VPS13B: variants seen among roughly 807,000 people sequenced by gnomAD.
VPS13B encodes intermembrane lipid transfer protein VPS13B.
Under a neutral mutation model 426.4 loss-of-function variants are expected in VPS13B, and 285 were observed. That is an observed-to-expected ratio of 0.67 (90% CI 0.61 to 0.74). The LOEUF is 0.74. Ranked by LOEUF, VPS13B falls within the 30% of genes least tolerant of loss-of-function variation. The pLI is 0.00. For missense variants in VPS13B, 4,537 were observed against 4,782.6 expected (o/e 0.95, Z 1.51); for synonymous variants, 1,676 against 1,676.4 (o/e 1.00, Z 0.01).
At chr8:99,187,106 C>T (rs999376837) in intron 16 of VPS13B, among the ~76,000 whole-genome samples, 3 of 152,114 alleles carry the variant, frequency 2.0e-5, no homozygotes, top group Middle Eastern at 3.2e-3. Context: ...TCCTAATTGC[C>T]ACAGAGTGCC....
At chr8:99,141,317 G>A (rs1435167824) in intron 12 of VPS13B, among the ~76,000 whole-genome samples, 2 of 152,234 alleles carry the variant, frequency 1.3e-5, no homozygotes, top group East Asian at 1.9e-4. Flanking sequence ...ATTATGGGGG[G>A]CATTGGCCTG....
chr8:99,736,798 C>G (rs956261373), intron 39 of VPS13B, among the ~76,000 whole-genome samples: 5 of 152,022 alleles, frequency 3.3e-5, no homozygotes, highest in Non-Finnish European at 5.9e-5. Flanking sequence ...TATCTAGTGT[C>G]AGACATTACG....
intron 21 of VPS13B, among the ~76,000 whole-genome samples, chr8:99,405,100 T>C (rs1318900295): frequency 6.6e-6 from 1 of 152,218 alleles, no homozygotes; most frequent in East Asian, 1.9e-4. Context: ...GCCTACATAA[T>C]GAAATTTATT....
chr8:99,163,825 GC>G (rs1811833517), intron 15 of VPS13B, among the ~76,000 whole-genome samples: 1 of 152,202 alleles, frequency 6.6e-6, no homozygotes, highest in Non-Finnish European at 1.5e-5. Flanking sequence ...TCCAGCCTTG[GC>G]CAGCCCAGAA....
intron 15 of VPS13B, among the ~76,000 whole-genome samples, chr8:99,161,350 A>G (rs1482824378): frequency 6.6e-6 from 1 of 152,224 alleles, no homozygotes; most frequent in Non-Finnish European, 1.5e-5. Context: ...TAAAACATTG[A>G]CATTCAGCTT....
At chr8:99,639,571 G>T (rs1382547628) in intron 33 of VPS13B, among the ~76,000 whole-genome samples, 1 of 151,078 alleles carries the variant, frequency 6.6e-6, no homozygotes, top group Non-Finnish European at 1.5e-5. Context: ...ATTCTTAAAA[G>T]AATTTTAATG....
chr8:99,792,866 G>C (rs188314280), intron 43 of VPS13B, among the ~76,000 whole-genome samples: 26 of 152,110 alleles, frequency 1.7e-4, no homozygotes, highest in African/African-American at 6.0e-4. Flanking sequence ...AATGTGTGCT[G>C]TTTTAAGCTG....
intron 33 of VPS13B, among the ~76,000 whole-genome samples, chr8:99,592,251 G>A (rs938259717): frequency 6.6e-6 from 1 of 151,970 alleles, no homozygotes; most frequent in Admixed American, 6.6e-5. Flanking sequence ...TCCTTGCGAT[G>A]CATTCGAACA....
chr8:99,391,799 T>C, intron 21 of VPS13B, 95 bp downstream of exon 21: 1 of 1,442,610 alleles, frequency 6.9e-7, no homozygotes, highest in South Asian at 1.2e-5. Context: ...GCCAAAGACA[T>C]GAGACTCATT....
At chr8:99,420,189 A>T (rs1303600776) in intron 21 of VPS13B, among the ~76,000 whole-genome samples, 3 of 152,166 alleles carry the variant, frequency 2.0e-5, no homozygotes, top group African/African-American at 7.2e-5. Flanking sequence ...TTACAGCTGA[A>T]CAAATGTATC....
chr8:99,355,151 C>T (rs2133221207), intron 19 of VPS13B, among the ~76,000 whole-genome samples: 1 of 152,286 alleles, frequency 6.6e-6, no homozygotes, highest in East Asian at 1.9e-4. Flanking sequence ...CAATTAAGTT[C>T]TAATAATCTA....
chr8:99,254,930 T>A lies in VPS13B; in HGVS notation c.2516-19268T>A, dbSNP rs118002467. Among the ~76,000 whole-genome samples the A allele has an allele frequency of 1.7e-3, 264 of 152,208 alleles. 2 individuals carry two copies. The East Asian group carries it at 0.047, about 27-fold the overall frequency. On this transcript the variant is annotated intron_variant, in intron 17 of 61. Transcript: ENST00000357162. ...AGTGCTGGGATTACAGAGCCACTCT[T>A]TTTTGAAGTACATTTTCTGTTTCAT... is the stretch of plus-strand genomic sequence containing the variant.
At position 99,875,811 on chromosome 8, in the gene VPS13B, C is replaced by T. The variant is rs1817672413; in HGVS notation, c.*145C>T. ...CTCAACCCACAAGTAGCTACGACTG[C>T]AAGCACCTGCCACCATAAAGGGCTG... On this transcript the variant is annotated 3_prime_UTR_variant, in exon 62 of 62. Coordinates refer to ENST00000357162, the MANE Select transcript of VPS13B (RefSeq NM_152564.5). 9.5e-7 allele frequency: 1 copy of T among 1,048,806 alleles called. No individual in the cohort carries two copies. The highest frequency in any genetic ancestry group is 2.7e-4 in the Middle Eastern group (1 of 3,708). 65.0% of individuals were successfully genotyped at this position (1,048,806 alleles called of 1,614,324 possible).
chr8:99,669,175 G>A (rs1023316918), intron 35 of VPS13B, among the ~76,000 whole-genome samples: 1 of 152,070 alleles, frequency 6.6e-6, no homozygotes, highest in Non-Finnish European at 1.5e-5. Context: ...GAAGTGTTTG[G>A]TATGACATCA....
At chr8:99,840,507 A>G (rs1035316045) in intron 54 of VPS13B, among the ~76,000 whole-genome samples, 10 of 152,210 alleles carry the variant, frequency 6.6e-5, no homozygotes, top group Non-Finnish European at 1.2e-4. Context: ...TCATTAATAA[A>G]TATGTTGAAC....
intron 21 of VPS13B, among the ~76,000 whole-genome samples, chr8:99,411,928 C>T (rs555280968): frequency 9.2e-5 from 14 of 152,072 alleles, no homozygotes; most frequent in Admixed American, 7.2e-4. Flanking sequence ...TTGGTACCAG[C>T]ACCATGCTGT....
chr8:99,801,660 C>A (rs1813129915), intron 43 of VPS13B, among the ~76,000 whole-genome samples: 1 of 152,146 alleles, frequency 6.6e-6, no homozygotes. Context: ...AAGCAGAACA[C>A]CTCAGAAGCC....
chr8:99,734,185 A>G (rs147475633), intron 39 of VPS13B, among the ~76,000 whole-genome samples: 1 of 152,326 alleles, frequency 6.6e-6, no homozygotes, highest in East Asian at 1.9e-4. Flanking sequence ...TCCATGTCGT[A>G]TCATGTATCT....
intron 29 of VPS13B, among the ~76,000 whole-genome samples, chr8:99,517,717 A>G (rs1822161333): frequency 6.6e-6 from 1 of 152,118 alleles, no homozygotes; most frequent in East Asian, 1.9e-4. Flanking sequence ...ATGAGGCTCA[A>G]TTTTAAAAAA....
Sources: gnomAD v4.1 joint callset for allele counts (sites outside exome capture counted in the v4.1 genomes callset) on GRCh38, gnomAD v4.1.1 for gene constraint, MANE v1.5 for transcripts, NCBI Gene and HGNC (gene_info 2026-07-23, HGNC 2026-07-21) for gene names.